RPS15: variants seen among roughly 807,000 people sequenced by gnomAD.
The protein encoded by RPS15 is ribosomal protein S15.
Under a neutral mutation model 14.9 loss-of-function variants are expected in RPS15, and 5 were observed. That is an observed-to-expected ratio of 0.34 (90% CI 0.18 to 0.70). RPS15 has a LOEUF of 0.70. Ranked by LOEUF, RPS15 falls within the 30% of genes least tolerant of loss-of-function variation. The pLI is 0.65. For missense variants in RPS15, 102 were observed against 204.2 expected, an observed-to-expected ratio of 0.50 and a Z score of 3.05; for synonymous variants, 103 against 85.0, an observed-to-expected ratio of 1.21 and a Z score of -1.16.
chr19:1,439,784 C>G, intron 2 of RPS15: 2 of 619,528 alleles, frequency 3.2e-6, no homozygotes, highest in Non-Finnish European at 5.8e-6. Flanking sequence ...CGCTTGTTCT[C>G]TCTGAATCTC....
Position 1,438,459 on chromosome 19 carries a change from G to T in RPS15, c.3+31G>T. ...TGTTGCGATTTGGCGCGTCTCTGCC[G>T]GGCCTATCCGGCTCCATCCAACCTC... On this transcript the variant is annotated intron_variant, in intron 1 of 3. Coordinates refer to ENST00000592588, the MANE Select transcript of RPS15 (RefSeq NM_001018.5). This position sits in a 1 kb window ranked among gnomAD's most constrained non-coding sequence, Gnocchi z 4.8. The T allele has an allele frequency of 6.2e-7, 1 of 1,613,268 alleles. No individual in the cohort carries two copies. Among genetic ancestry groups the T allele is most frequent in the Non-Finnish European group, 8.5e-7 (1 of 1,179,894 alleles).
At position 1,438,707 on chromosome 19, in the gene RPS15, T is replaced by G. The variant is rs2083628523; in HGVS notation, c.4-100T>G. On this transcript the variant is annotated intron_variant, in intron 1 of 3. Coordinates refer to ENST00000592588, the MANE Select transcript of RPS15 (RefSeq NM_001018.5). This position sits in a 1 kb window ranked among gnomAD's most constrained non-coding sequence, Gnocchi z 4.8. The stretch of plus-strand genomic sequence containing the variant: ...GCGGTGTGTCCCTGTCGGGCTTCTG[T>G]CCCCGGCGGCGCCGCGCGTCTTCCG... 5 of 1,533,490 alleles carry G rather than the reference T, an allele frequency of 3.3e-6. No homozygotes were observed. In the South Asian group the frequency reaches 6.0e-5, roughly 18 times the overall value. The allele number at this position is 1,533,490 out of a possible 1,614,324, so 95.0% of individuals were successfully genotyped here.
rs1173554626 is a variant in RPS15, at chr19:1,438,916, G to A, written c.89+24G>A. On this transcript the variant is annotated intron_variant, in intron 2 of 3. Coordinates refer to ENST00000592588, the MANE Select transcript of RPS15 (RefSeq NM_001018.5). This position sits in a 1 kb window ranked among gnomAD's most constrained non-coding sequence, Gnocchi z 4.8. ...TAGTAAGGGCGGCCGCGGGGGTCGC[G>A]GGCAGGGGCTGGGCCAGCGGTGGGG... is the stretch of plus-strand genomic sequence containing the variant. 7 of 1,551,752 alleles carry A rather than the reference G, an allele frequency of 4.5e-6. No individual in the cohort carries two copies. The highest frequency in any genetic ancestry group is 6.1e-6 in the Non-Finnish European group (7 of 1,147,348).
In RPS15 at chr19:1,440,208, G is replaced by A; in HGVS notation, c.279G>A (p.Met93Ile). The change falls in exon 3 of 4, where the codon ATG (methionine) becomes ATA (isoleucine). Residue 93 changes from methionine (M) to isoleucine (I), a missense_variant. Coordinates refer to ENST00000592588, the MANE Select transcript of RPS15 (RefSeq NM_001018.5). ...TCCTACCCGAGATGGTGGGCAGCAT[G>A]GTGGGCGTCTACAACGGCAAGACCT... ...MIILPEMVGS[M>I]VGVYNGKTFN... 2 of 1,613,132 alleles carry A rather than the reference G, an allele frequency of 1.2e-6. No individual in the cohort carries two copies. The highest frequency in any genetic ancestry group is 1.7e-6 in the Non-Finnish European group (2 of 1,179,760).
Position 1,438,680 on chromosome 19 carries a change from A to G in RPS15, c.4-127A>G. 1 of 1,532,700 alleles carries G rather than the reference A, an allele frequency of 6.5e-7. No individual in the cohort carries two copies. The highest frequency in any genetic ancestry group is 8.8e-7 in the Non-Finnish European group (1 of 1,133,294). The allele number at this position is 1,532,700 out of a possible 1,614,324, so 94.9% of individuals were successfully genotyped here. On this transcript the variant is annotated intron_variant, in intron 1 of 3. Coordinates refer to ENST00000592588, the MANE Select transcript of RPS15 (RefSeq NM_001018.5). This position sits in a 1 kb window ranked among gnomAD's most constrained non-coding sequence, Gnocchi z 4.8. ...GCGAGTGATCCCCGGGGACGGGTCG[A>G]AGCGGTGTGTCCCTGTCGGGCTTCT...
In RPS15 at chr19:1,438,653, C is replaced by T. The variant is rs1016233557; in HGVS notation, c.4-154C>T. 27 of 1,528,488 alleles carry T rather than the reference C, an allele frequency of 1.8e-5. No individual in the cohort carries two copies. The highest frequency in any genetic ancestry group is 2.4e-5 in the Non-Finnish European group (27 of 1,131,606). The allele number at this position is 1,528,488 out of a possible 1,614,324, so 94.7% of individuals were successfully genotyped here. A position where few individuals can be genotyped will look rare whatever the true frequency, so the allele number is the denominator to read the frequency against. ...ATGTCCGGGTCCTCGTAACCCGGAG[C>T]CGCGAGTGATCCCCGGGGACGGGTC... is the stretch of plus-strand genomic sequence containing the variant. On this transcript the variant is annotated intron_variant, in intron 1 of 3. Coordinates refer to ENST00000592588, the MANE Select transcript of RPS15 (RefSeq NM_001018.5). This position sits in a 1 kb window ranked among gnomAD's most constrained non-coding sequence, Gnocchi z 4.8.
In RPS15 at chr19:1,438,699, G is replaced by C; in HGVS notation, c.4-108G>C. 6.5e-7 allele frequency: 1 copy of C among 1,533,870 alleles called. No individual in the cohort carries two copies. The highest frequency in any genetic ancestry group is 1.2e-5 in the South Asian group (1 of 83,680). Reference sequence around the variant, plus strand: ...GGGTCGAAGCGGTGTGTCCCTGTCGGGCTTCTGTCCCCGGCGGCGCCGCGC... The same window carrying C: ...GGGTCGAAGCGGTGTGTCCCTGTCGCGCTTCTGTCCCCGGCGGCGCCGCGC... On this transcript the variant is annotated intron_variant, in intron 1 of 3. Transcript: ENST00000592588. This position sits in a 1 kb window ranked among gnomAD's most constrained non-coding sequence, Gnocchi z 4.8.
intron 2 of RPS15, 154 bp from the exon 3 acceptor site, chr19:1,439,865 T>G (rs527590374): frequency 2.7e-5 from 19 of 702,660 alleles, no homozygotes; most frequent in Non-Finnish European, 4.3e-5. Context: ...CAGAGGGACT[T>G]GGCGTGTTCA....
Position 1,438,600 on chromosome 19 carries a change from G to A in RPS15, c.3+172G>A, listed in dbSNP as rs759987927. 6.5e-6 allele frequency: 10 copies of A among 1,543,302 alleles called. No homozygotes were observed. Among genetic ancestry groups the A allele is most frequent in the Non-Finnish European group, 8.8e-6 (10 of 1,141,764 alleles). ...GACTTGGTGGGTGTCGGGACGACGC[G>A]GGGCTGGGAAGGCCTGTCCGGGCCT... On this transcript the variant is annotated intron_variant, in intron 1 of 3. Transcript: ENST00000592588. The surrounding 1 kb of genome is among the most constrained non-coding windows in gnomAD (Gnocchi z 4.8).
At position 1,440,399 on chromosome 19, in the gene RPS15, C is replaced by G. The variant is rs774109942; in HGVS notation, c.375C>G (p.Pro125=). The G allele has an allele frequency of 3.1e-6, 5 of 1,614,018 alleles. No homozygotes were observed. In the East Asian group the frequency reaches 1.1e-4, roughly 36 times the overall value. The part of the protein sequence containing the change: ...YLGEFSITYK[P]VKHGRPGIGA... ...GCGAGTTCTCCATCACCTACAAGCCCGTAAAGCATGGCCGGCCCGGCATCG... is the reference window on the plus strand; with the variant it reads ...GCGAGTTCTCCATCACCTACAAGCCGGTAAAGCATGGCCGGCCCGGCATCG... The change falls in exon 4 of 4, where the codon CCC becomes CCG. Residue 125 remains proline, a synonymous_variant. Transcript: ENST00000592588.
Position 1,440,043 on chromosome 19 carries a change from T to G in RPS15, c.114T>G (p.Ser38Arg), listed in dbSNP as rs2083640815. The change falls in exon 3 of 4, where the codon AGT becomes AGG. Residue 38 changes from serine to arginine, a missense_variant. Coordinates refer to ENST00000592588, the MANE Select transcript of RPS15 (RefSeq NM_001018.5). ...GCGAGCAGCTGATGCAGCTGTACAG[T>G]GCGCGCCAGCGGCGGCGGCTGAACC... The part of the protein sequence containing the change: ...MSYEQLMQLY[S>R]ARQRRRLNRG... 4 of 1,554,928 alleles carry G rather than the reference T, an allele frequency of 2.6e-6. No individual in the cohort carries two copies. The highest frequency in any genetic ancestry group is 2.4e-5 in the East Asian group (1 of 41,892).
intron 2 of RPS15, chr19:1,439,573 T>A (rs1330452198): frequency 3.0e-6 from 1 of 335,702 alleles, no homozygotes; most frequent in Non-Finnish European, 5.5e-6. Context: ...TTTTTGATTA[T>A]TTGTGGAAAC....
Position 1,438,781 on chromosome 19 carries a change from C to G in RPS15, c.4-26C>G. The G allele has an allele frequency of 1.3e-6, 2 of 1,576,782 alleles. No homozygotes were observed. The highest frequency in any genetic ancestry group is 2.3e-5 in the South Asian group (2 of 86,796). ...CCGGGAGATGGGTGTCGGGATCCCG[C>G]TGACGCCCGATCCGCGCCCGCACAG... On this transcript the variant is annotated intron_variant, in intron 1 of 3. Transcript: ENST00000592588. This position sits in a 1 kb window ranked among gnomAD's most constrained non-coding sequence, Gnocchi z 4.8.
Position 1,438,706 on chromosome 19 carries a change from G to A in RPS15, c.4-101G>A, listed in dbSNP as rs2083628510. ...AGCGGTGTGTCCCTGTCGGGCTTCT[G>A]TCCCCGGCGGCGCCGCGCGTCTTCC... On this transcript the variant is annotated intron_variant, in intron 1 of 3. Transcript: ENST00000592588. This position sits in a 1 kb window ranked among gnomAD's most constrained non-coding sequence, Gnocchi z 4.8. 2 of 1,535,006 alleles carry A rather than the reference G, an allele frequency of 1.3e-6. No homozygotes were observed.
chr19:1,438,991 G>A lies in RPS15; in HGVS notation c.89+99G>A, dbSNP rs988477047. ...CGGGGGTCCAAGCGCCTCTGCGGCG[G>A]TGGGCGGGCACGGTCTCCGCGCGGG... On this transcript the variant is annotated intron_variant, in intron 2 of 3. Coordinates refer to ENST00000592588, the MANE Select transcript of RPS15 (RefSeq NM_001018.5). This position sits in a 1 kb window ranked among gnomAD's most constrained non-coding sequence, Gnocchi z 4.8. 18 of 959,216 alleles carry A rather than the reference G, an allele frequency of 1.9e-5. No individual in the cohort carries two copies. In the African/African-American group the frequency reaches 2.9e-4, roughly 16 times the overall value. The allele number at this position is 959,216 out of a possible 1,614,324, so 59.4% of individuals were successfully genotyped here.
At position 1,438,441 on chromosome 19, in the gene RPS15, A is replaced by G. The variant is rs184229180; in HGVS notation, c.3+13A>G. ...ATCCGGCAAGATGGTGAGTGTTGCG[A>G]TTTGGCGCGTCTCTGCCGGGCCTAT... On this transcript the variant is annotated intron_variant, in intron 1 of 3. Coordinates refer to ENST00000592588, the MANE Select transcript of RPS15 (RefSeq NM_001018.5). The surrounding 1 kb of genome is among the most constrained non-coding windows in gnomAD (Gnocchi z 4.8). 169 of 1,613,316 alleles carry G rather than the reference A, an allele frequency of 1.0e-4. No homozygotes were observed. The East Asian group carries it at 2.9e-3, about 27-fold the overall frequency.
At position 1,438,955 on chromosome 19, in the gene RPS15, G is replaced by C. The variant is rs1271492946; in HGVS notation, c.89+63G>C. On this transcript the variant is annotated intron_variant, in intron 2 of 3. Coordinates refer to ENST00000592588, the MANE Select transcript of RPS15 (RefSeq NM_001018.5). This position sits in a 1 kb window ranked among gnomAD's most constrained non-coding sequence, Gnocchi z 4.8. Reference sequence around the variant, plus strand: ...CCAGCGGTGGGGCTTGTCCGGGTGAGGGCGGCGGGGCGGGGGTCCAAGCGC... The same window carrying C: ...CCAGCGGTGGGGCTTGTCCGGGTGACGGCGGCGGGGCGGGGGTCCAAGCGC... 3 of 1,420,818 alleles carry C rather than the reference G, an allele frequency of 2.1e-6. No individual in the cohort carries two copies. The highest frequency in any genetic ancestry group is 2.9e-5 in the African/African-American group (2 of 69,446). The allele number at this position is 1,420,818 out of a possible 1,614,324, so 88.0% of individuals were successfully genotyped here.
At chr19:1,439,007 T>A (rs1388829830) in intron 2 of RPS15, 115 bp downstream of exon 2, 6 of 828,698 alleles carry the variant, frequency 7.2e-6, no homozygotes, top group East Asian at 2.8e-5. Flanking sequence ...GGGCACGGTC[T>A]CCGCGCGGGT....
rs2083625324 is a variant in RPS15, at chr19:1,438,459, G to A, written c.3+31G>A. On this transcript the variant is annotated intron_variant, in intron 1 of 3. Coordinates refer to ENST00000592588, the MANE Select transcript of RPS15 (RefSeq NM_001018.5). This position sits in a 1 kb window ranked among gnomAD's most constrained non-coding sequence, Gnocchi z 4.8. ...TGTTGCGATTTGGCGCGTCTCTGCC[G>A]GGCCTATCCGGCTCCATCCAACCTC... 6 of 1,613,152 alleles carry A rather than the reference G, an allele frequency of 3.7e-6. No individual in the cohort carries two copies. Among genetic ancestry groups the A allele is most frequent in the Non-Finnish European group, 4.2e-6 (5 of 1,179,902 alleles).
Sources: gnomAD v4.1 joint callset for allele counts on GRCh38, gnomAD v4.1.1 for gene constraint, Gnocchi (gnomAD v3.1) non-coding constraint, MANE v1.5 for transcripts, NCBI Gene and HGNC (gene_info 2026-07-23, HGNC 2026-07-21) for gene names.